ARID1A: variants seen among roughly 807,000 people sequenced by gnomAD.
ARID1A encodes the protein AT-rich interactive domain-containing protein 1A.
Under a neutral mutation model 212.6 loss-of-function variants are expected in ARID1A, and 20 were observed. That is an observed-to-expected ratio of 0.09 (90% CI 0.07 to 0.14). The LOEUF is 0.14. Ranked by LOEUF, ARID1A falls within the 10% of genes least tolerant of loss-of-function variation. The pLI is 1.00. For synonymous variants in ARID1A, 1,376 were observed against 1,222.1 expected (o/e 1.13, Z -2.63); for missense variants, 2,587 against 3,059.0 (o/e 0.85, Z 3.64).
chr1:26,756,099 G>A (rs1260056352), intron 4 of ARID1A, among the ~76,000 whole-genome samples: 4 of 151,200 alleles, frequency 2.6e-5, no homozygotes, highest in South Asian at 2.1e-4. Flanking sequence ...TTTTCTTAGC[G>A]CTTCAGTACA....
At chr1:26,697,839 C>T (rs925256041) in intron 1 of ARID1A, among the ~76,000 whole-genome samples, 24 of 144,262 alleles carry the variant, frequency 1.7e-4, no homozygotes, top group African/African-American at 6.2e-4. Context: ...CGGGGAAGGG[C>T]CTGGCCGGGG....
intron 4 of ARID1A, among the ~76,000 whole-genome samples, chr1:26,755,714 G>A (rs1024503404): frequency 1.3e-5 from 2 of 152,132 alleles, no homozygotes; most frequent in African/African-American, 2.4e-5. Flanking sequence ...CTTGCCCTGA[G>A]CTGATAGGAG....
rs550089185 is a variant in ARID1A, at chr1:26,714,737, A to G, written c.1138-14914A>G. ...ATATATAATCTTAATAAGGTTGACT[A>G]TTCCCTGGGCCGTTCTTTAACTTAT... On this transcript the variant is annotated intron_variant, in intron 1 of 19. Coordinates refer to ENST00000324856, the MANE Select transcript of ARID1A (RefSeq NM_006015.6). Among the ~76,000 whole-genome samples, 10 of 152,280 alleles carry G rather than the reference A, an allele frequency of 6.6e-5. No individual in the cohort carries two copies. The East Asian group carries it at 9.6e-4, about 15-fold the overall frequency.
intron 1 of ARID1A, among the ~76,000 whole-genome samples, chr1:26,715,503 T>C (rs1261131244): frequency 6.6e-6 from 1 of 152,200 alleles, no homozygotes; most frequent in Non-Finnish European, 1.5e-5. Context: ...GAAGTACCTT[T>C]TTCTGATTTC....
intron 1 of ARID1A, chr1:26,729,251 GT>G (rs2080648983): frequency 4.7e-6 from 1 of 212,972 alleles, no homozygotes; most frequent in African/African-American, 2.3e-5. Flanking sequence ...ACATCTAGAT[GT>G]TTGTGTATTT....
chr1:26,715,442 C>T (rs1166880962), intron 1 of ARID1A, among the ~76,000 whole-genome samples: 1 of 152,162 alleles, frequency 6.6e-6, no homozygotes, highest in Non-Finnish European at 1.5e-5. Flanking sequence ...GTGGTCCATC[C>T]ATACCAAGGA....
At position 26,766,340 on chromosome 1, in the gene ARID1A, G is replaced by T. The variant is rs2081039231; in HGVS notation, c.2852G>T (p.Gly951Val). Residue 951 changes from glycine (G) to valine (V), a missense_variant, in exon 9 of 20, where the codon GGT becomes GTT. Physicochemically the swap from Gly to Val is moderately radical, Grantham distance 109. Transcript: ENST00000324856. Reference protein sequence around the residue: ...INPQGPPYSMGGTMANNSAGM... With the variant: ...INPQGPPYSMVGTMANNSAGM... ...CCTCAGGGACCCCCATATTCCATGG[G>T]TGGAACCATGGCCAACAATTCTGCA... 6.2e-7 allele frequency: 1 copy of T among 1,614,156 alleles called. No homozygotes were observed. Among genetic ancestry groups the T allele is most frequent in the Non-Finnish European group, 8.5e-7 (1 of 1,180,034 alleles).
At chr1:26,768,055 G>A in intron 11 of ARID1A, 56 bp downstream of exon 11, 1 of 1,547,526 alleles carries the variant, frequency 6.5e-7, no homozygotes, top group Non-Finnish European at 8.8e-7. Context: ...CCCCTTTCTA[G>A]GTACTCACTG....
At chr1:26,730,502 C>A (rs2080664067) in intron 2 of ARID1A, among the ~76,000 whole-genome samples, 1 of 152,168 alleles carries the variant, frequency 6.6e-6, no homozygotes, top group Admixed American at 6.5e-5. Context: ...AATTTTACTT[C>A]TAAGACTTTA....
chr1:26,740,234 T>G (rs1323258010), intron 4 of ARID1A, among the ~76,000 whole-genome samples: 1 of 152,248 alleles, frequency 6.6e-6, no homozygotes, highest in African/African-American at 2.4e-5. Context: ...GTGTGACTTC[T>G]GAGGTCATTT....
intron 4 of ARID1A, among the ~76,000 whole-genome samples, chr1:26,737,141 G>C (rs2080741836): frequency 6.6e-6 from 1 of 151,822 alleles, no homozygotes; most frequent in African/African-American, 2.4e-5. Context: ...TTTTGAGATG[G>C]GGGTCTCTCT....
chr1:26,720,241 T>G (rs1357693936), intron 1 of ARID1A, among the ~76,000 whole-genome samples: 1 of 147,486 alleles, frequency 6.8e-6, no homozygotes, highest in Non-Finnish European at 1.5e-5. Flanking sequence ...AGAGCGAGGC[T>G]CTGTCTCGAA....
At chr1:26,760,808 T>A (rs1288600169) in intron 4 of ARID1A, 48 bp from the exon 5 acceptor site, 3 of 1,551,410 alleles carry the variant, frequency 1.9e-6, no homozygotes, top group Non-Finnish European at 2.6e-6. Context: ...GAAAGTAGAA[T>A]CTTTCTGCCT....
rs545770651 is a variant in ARID1A at position 26,728,163 on chromosome 1, T to C, written c.1138-1488T>C. On this transcript the variant is annotated intron_variant, in intron 1 of 19. Transcript: ENST00000324856. ...ACAGTTTTACTATGACTTTGTACAG[T>C]TTAGAAACATGGGGGAGGAGTATTC... Among the ~76,000 whole-genome samples the C allele has an allele frequency of 1.7e-3, 266 of 152,294 alleles. 1 individual carries two copies. Among genetic ancestry groups the C allele is most frequent in the African/African-American group, 6.0e-3 (249 of 41,560 alleles).
intron 1 of ARID1A, among the ~76,000 whole-genome samples, chr1:26,723,689 T>A (rs2124777940): frequency 6.6e-6 from 1 of 152,136 alleles, no homozygotes. Context: ...AGGAAAAGCC[T>A]TTTCCTGTGT....
At chr1:26,711,953 G>A (rs751811999) in intron 1 of ARID1A, among the ~76,000 whole-genome samples, 5 of 151,964 alleles carry the variant, frequency 3.3e-5, no homozygotes, top group Admixed American at 6.6e-5. Flanking sequence ...ATGGTGATGC[G>A]CGCCTGTAGT....
rs2124785718 is a variant in ARID1A, at chr1:26,729,838, T to C, written c.1325T>C (p.Met442Thr). ...MTMQGRAQSA[M>T]GGLSYTQQIP... ...ATGCAGGGCCGGGCGCAGAGTGCCA[T>C]GGGCGGCCTCTCTTATACACAGCAG... The change falls in exon 2 of 20, where the codon ATG becomes ACG. Residue 442 changes from methionine (M) to threonine (T), a missense_variant. Met to Thr is a moderately conservative substitution (Grantham distance 81). Coordinates refer to ENST00000324856, the MANE Select transcript of ARID1A (RefSeq NM_006015.6). The C allele has an allele frequency of 1.9e-6, 3 of 1,614,186 alleles. No homozygotes were observed. Among genetic ancestry groups the C allele is most frequent in the Non-Finnish European group, 2.5e-6 (3 of 1,180,036 alleles).
intron 4 of ARID1A, among the ~76,000 whole-genome samples, chr1:26,752,796 G>A (rs952248543): frequency 6.6e-6 from 1 of 152,182 alleles, no homozygotes; most frequent in African/African-American, 2.4e-5. Context: ...TGTCATTTAA[G>A]TGGGGATGGC....
intron 19 of ARID1A, 165 bp from the exon 20 acceptor site, chr1:26,778,858 G>A: frequency 3.2e-6 from 2 of 634,184 alleles, no homozygotes; most frequent in Non-Finnish European, 5.1e-6. Flanking sequence ...GTTGGGCATA[G>A]AAGAGATTAA....
Sources: allele counts gnomAD v4.1 joint callset (sites outside exome capture counted in the v4.1 genomes callset), GRCh38; gene constraint gnomAD v4.1.1; transcripts MANE v1.5; gene names NCBI Gene and HGNC (gene_info 2026-07-23, HGNC 2026-07-21).